Variants in ANTXR1 observed in about 807,000 individuals in gnomAD.
The protein encoded by ANTXR1 is anthrax toxin receptor 1.
In ANTXR1, 19 loss-of-function variants were observed where a neutral mutation model predicts 78.1. That is an observed-to-expected ratio of 0.24 (90% confidence interval 0.17 to 0.36). ANTXR1 has a LOEUF of 0.36. Among genes scored for constraint, ANTXR1 ranks in the 10% least tolerant of loss-of-function variants. ANTXR1 has a pLI of 1.00. For missense variants in ANTXR1, 518 were observed against 718.6 expected (o/e 0.72, Z 3.19); for synonymous variants, 273 against 260.5 (o/e 1.05, Z -0.46).
intron 17 of ANTXR1, among the ~76,000 whole-genome samples, chr2:69,216,320 T>C (rs1189075571): frequency 1.8e-4 from 28 of 152,304 alleles, no homozygotes; most frequent in Admixed American, 1.8e-3. Context: ...AATCTGGTTC[T>C]AGATAGGTGG....
At chr2:69,230,114 T>G (rs1344323753) in intron 17 of ANTXR1, among the ~76,000 whole-genome samples, 1 of 151,416 alleles carries the variant, frequency 6.6e-6, no homozygotes, top group African/African-American at 2.4e-5. Context: ...CCCTGTTTAG[T>G]GACAGCACTT....
At chr2:69,231,350 T>A (rs1268421674) in intron 17 of ANTXR1, among the ~76,000 whole-genome samples, 1 of 152,068 alleles carries the variant, frequency 6.6e-6, no homozygotes, top group African/African-American at 2.4e-5. Context: ...TGGCATAAAG[T>A]CCTAGTCCAT....
intron 3 of ANTXR1, 67 bp from the exon 4 acceptor site, chr2:69,070,580 A>T: frequency 7.0e-7 from 1 of 1,426,736 alleles, no homozygotes; most frequent in Non-Finnish European, 9.9e-7. Context: ...GAAGACTAGT[A>T]CTTATGACTA....
intron 17 of ANTXR1, among the ~76,000 whole-genome samples, chr2:69,226,284 T>G (rs1000263459): frequency 1.4e-4 from 21 of 152,302 alleles, no homozygotes; most frequent in African/African-American, 5.1e-4. Flanking sequence ...TCTGGCTGAA[T>G]TCACTCCAGG....
At chr2:69,228,307 C>A (rs1272365273) in intron 17 of ANTXR1, among the ~76,000 whole-genome samples, 2 of 152,204 alleles carry the variant, frequency 1.3e-5, no homozygotes, top group African/African-American at 4.8e-5. Context: ...TGGAACAGAA[C>A]AACGGAGGCT....
chr2:69,238,905 T>A (rs917199389), intron 17 of ANTXR1, among the ~76,000 whole-genome samples: 1 of 152,170 alleles, frequency 6.6e-6, no homozygotes, highest in Non-Finnish European at 1.5e-5. Context: ...AAAGTCCAGC[T>A]CCCTCTCCAC....
At chr2:69,070,071 C>T (rs1670522115) in intron 3 of ANTXR1, among the ~76,000 whole-genome samples, 1 of 152,216 alleles carries the variant, frequency 6.6e-6, no homozygotes, top group Non-Finnish European at 1.5e-5. Flanking sequence ...CTCTTCCTGC[C>T]CGCACTGTCA....
chr2:69,043,923 G>A (rs938724712), intron 2 of ANTXR1, among the ~76,000 whole-genome samples: 1 of 152,130 alleles, frequency 6.6e-6, no homozygotes, highest in African/African-American at 2.4e-5. Flanking sequence ...TCAGGTGTGG[G>A]AGGTTATTGC....
intron 8 of ANTXR1, among the ~76,000 whole-genome samples, chr2:69,079,625 A>G (rs1670841510): frequency 6.6e-6 from 1 of 152,142 alleles, no homozygotes; most frequent in Non-Finnish European, 1.5e-5. Flanking sequence ...ATGAGCCTCG[A>G]AGGGGTTTTG....
rs1452629303 is a variant in ANTXR1 at position 69,246,986 on chromosome 2, TC to T, written c.*1503del. On this transcript the variant is annotated 3_prime_UTR_variant, in exon 18 of 18. Transcript: ENST00000303714. The stretch of plus-strand genomic sequence containing the variant: ...TGGCTTGGGCTATGGTCTCCAAAGA[TC>T]CTTCAAAAATACATCAAGCCAGCTT... 6.6e-6 allele frequency: 1 copy of T among 152,160 alleles called. No individual in the cohort carries two copies. Among genetic ancestry groups the T allele is most frequent in the African/African-American group, 2.4e-5 (1 of 41,420 alleles). 9.4% of individuals were successfully genotyped at this position (152,160 alleles called of 1,614,324 possible). A position where few individuals can be genotyped will look rare whatever the true frequency, so the allele number is the denominator to read the frequency against.
At chr2:69,229,723 A>G (rs1176183874) in intron 17 of ANTXR1, among the ~76,000 whole-genome samples, 1 of 148,960 alleles carries the variant, frequency 6.7e-6, no homozygotes. Flanking sequence ...CAGCATGACC[A>G]TGCCATGGTG....
chr2:69,125,851 T>TA (rs1030827818), intron 12 of ANTXR1, among the ~76,000 whole-genome samples: 2 of 151,646 alleles, frequency 1.3e-5, no homozygotes, highest in African/African-American at 2.4e-5. Flanking sequence ...AAAAAAAAAT[T>TA]AAAAAAAGAC....
intron 13 of ANTXR1, among the ~76,000 whole-genome samples, chr2:69,160,216 C>G (rs975748015): frequency 6.6e-6 from 1 of 152,168 alleles, no homozygotes; most frequent in African/African-American, 2.4e-5. Context: ...AGGGCAGGTA[C>G]ACCACACACC....
At chr2:69,174,741 T>A (rs970725891) in intron 14 of ANTXR1, among the ~76,000 whole-genome samples, 2 of 152,206 alleles carry the variant, frequency 1.3e-5, no homozygotes, top group African/African-American at 4.8e-5. Context: ...TGTGAATGTA[T>A]GAAAATTAAT....
chr2:69,109,834 G>A (rs1213211401), intron 10 of ANTXR1, among the ~76,000 whole-genome samples: 1 of 152,112 alleles, frequency 6.6e-6, no homozygotes, highest in Non-Finnish European at 1.5e-5. Context: ...AAATTTGAAT[G>A]TTTGAGTGCA....
chr2:69,065,289 G>A (rs1464899844), intron 3 of ANTXR1, among the ~76,000 whole-genome samples: 1 of 152,002 alleles, frequency 6.6e-6, no homozygotes, highest in Non-Finnish European at 1.5e-5. Context: ...GCCAGGTGTG[G>A]TGGCACGCAC....
intron 17 of ANTXR1, among the ~76,000 whole-genome samples, chr2:69,217,712 G>T (rs909190194): frequency 1.3e-5 from 2 of 152,212 alleles, no homozygotes; most frequent in African/African-American, 4.8e-5. Flanking sequence ...AGTCAGGGGT[G>T]GGAATGGGAC....
At chr2:69,201,795 G>C (rs1032225584) in intron 17 of ANTXR1, among the ~76,000 whole-genome samples, 1 of 152,156 alleles carries the variant, frequency 6.6e-6, no homozygotes, top group East Asian at 1.9e-4. Context: ...AGCTTTGCGA[G>C]GGAAGATGAG....
chr2:69,134,945 A>G lies in ANTXR1; in HGVS notation c.951+10302A>G, dbSNP rs142954830. ...CATAACTCAAGGTATTTTTTTTACA[A>G]TGTCCCAGTATTTTTATTATTATGA... On this transcript the variant is annotated intron_variant, in intron 12 of 17. Transcript: ENST00000303714. 9.9e-4 allele frequency: 314 copies of G among 316,674 alleles called. 2 individuals carry two copies. The highest frequency in any genetic ancestry group is 5.1e-3 in the African/African-American group (240 of 46,728). 19.6% of individuals were successfully genotyped at this position (316,674 alleles called of 1,614,324 possible).
Sources: gnomAD v4.1 joint callset for allele counts (sites outside exome capture counted in the v4.1 genomes callset) on GRCh38, gnomAD v4.1.1 for gene constraint, MANE v1.5 for transcripts, NCBI Gene and HGNC (gene_info 2026-07-23, HGNC 2026-07-21) for gene names.